The following ZC2HC1A variants were observed in gnomAD, a reference collection of about 807,000 sequenced individuals.
The protein encoded by ZC2HC1A is zinc finger C2HC-type containing 1A.
Under a neutral mutation model 40.7 loss-of-function variants are expected in ZC2HC1A, and 28 were observed. The observed-to-expected ratio is 0.69, with a 90% CI of 0.51 to 0.94. ZC2HC1A has a LOEUF of 0.94. Ranked by LOEUF, ZC2HC1A falls within the 40% of genes least tolerant of loss-of-function variation. The probability of loss-of-function intolerance (pLI) is 0.00; values close to 1 mark genes in which losing one functional copy is unlikely to be tolerated. For synonymous variants in ZC2HC1A, 129 were observed against 129.2 expected (o/e 1.00, Z 0.01); for missense variants, 389 against 386.3 (o/e 1.01, Z -0.06).
In ZC2HC1A at chr8:78,698,505, T is replaced by G. The variant is rs749816909; in HGVS notation, c.696T>G (p.Pro232=). Reference sequence around the variant, plus strand: ...CCTCTCATAAAGGGATAGCAGCCCCTCATGCAGGGTAAGTCTACACTGGAT... The same window carrying G: ...CCTCTCATAAAGGGATAGCAGCCCCGCATGCAGGGTAAGTCTACACTGGAT... ...LSPSHKGIAA[P]HAGANVKPRN... is the part of the protein sequence containing the mutation. The change falls in exon 7 of 9, where the codon CCT becomes CCG. Residue 232 remains proline, a synonymous_variant. Coordinates refer to ENST00000263849, the MANE Select transcript of ZC2HC1A (RefSeq NM_016010.3). 1 of 1,605,620 alleles carries G rather than the reference T, an allele frequency of 6.2e-7. No individual in the cohort carries two copies. The highest frequency in any genetic ancestry group is 2.2e-5 in the East Asian group (1 of 44,736).
intron 1 of ZC2HC1A, among the ~76,000 whole-genome samples, chr8:78,670,401 T>C (rs1318612787): frequency 2.0e-5 from 3 of 152,136 alleles, no homozygotes; most frequent in African/African-American, 4.8e-5. Flanking sequence ...CATCAGGACA[T>C]TGGTGGAGAA....
At chr8:78,669,276 A>G (rs1178073321) in intron 1 of ZC2HC1A, among the ~76,000 whole-genome samples, 1 of 152,090 alleles carries the variant, frequency 6.6e-6, no homozygotes, top group African/African-American at 2.4e-5. Context: ...TGGGCAGTTT[A>G]CTTAATCTGA....
intron 3 of ZC2HC1A, among the ~76,000 whole-genome samples, chr8:78,685,285 A>G (rs974794138): frequency 1.3e-5 from 2 of 152,270 alleles, no homozygotes; most frequent in Admixed American, 1.3e-4. Context: ...ATTTGATTCA[A>G]TTTGTCACTC....
chr8:78,717,138 TATA>T (rs1336232477), intron 8 of ZC2HC1A, among the ~76,000 whole-genome samples, 187 bp from the exon 9 acceptor site: 17 of 152,184 alleles, frequency 1.1e-4, no homozygotes, highest in African/African-American at 3.9e-4. Flanking sequence ...CACAGATAAA[TATA>T]ATGTTAAAAA....
Position 78,716,412 on chromosome 8 carries a change from C to T in ZC2HC1A, c.813-916C>T, listed in dbSNP as rs749503627. Among the ~76,000 whole-genome samples the T allele has an allele frequency of 1.4e-4, 21 of 152,142 alleles. No individual in the cohort carries two copies. The South Asian group carries it at 1.7e-3, about 12-fold the overall frequency. On this transcript the variant is annotated intron_variant, in intron 8 of 8. Coordinates refer to ENST00000263849, the MANE Select transcript of ZC2HC1A (RefSeq NM_016010.3). ...TGCTGGGATTACAGGTGTGAGCCAC[C>T]GCACCCGGCCTAGTATGTTTTGTTA...
chr8:78,678,201 A>G (rs924974941), intron 2 of ZC2HC1A, among the ~76,000 whole-genome samples: 8 of 152,168 alleles, frequency 5.3e-5, no homozygotes, highest in South Asian at 2.1e-4. Flanking sequence ...CTGGGAATGC[A>G]GTCCAGTAGG....
At chr8:78,667,728 C>A (rs1256112886) in intron 1 of ZC2HC1A, among the ~76,000 whole-genome samples, 1 of 152,126 alleles carries the variant, frequency 6.6e-6, no homozygotes, top group Non-Finnish European at 1.5e-5. Flanking sequence ...TAAAGCTTTA[C>A]TCTCATCGAA....
intron 3 of ZC2HC1A, among the ~76,000 whole-genome samples, chr8:78,681,615 TG>T (rs1382270836): frequency 6.6e-6 from 1 of 152,186 alleles, no homozygotes; most frequent in Non-Finnish European, 1.5e-5. Flanking sequence ...TGTGTAATAT[TG>T]ATGCTAGATT....
At chr8:78,712,191 G>C in intron 7 of ZC2HC1A, 1 of 659,532 alleles carries the variant, frequency 1.5e-6, no homozygotes, top group South Asian at 1.9e-5. Context: ...AACTTTTACT[G>C]TCCTATACTT....
Position 78,686,465 on chromosome 8 carries a change from A to G in ZC2HC1A, c.211-2A>G. The stretch of plus-strand genomic sequence containing the variant: ...TTTATTTATTTATTTATTTATTTAT[A>G]GCCAGAACCACCAAAGAAACCATCT... On this transcript the variant is annotated splice_acceptor_variant, in intron 3 of 8. Coordinates refer to ENST00000263849, the MANE Select transcript of ZC2HC1A (RefSeq NM_016010.3). LOFTEE classifies it high-confidence loss of function. The G allele has an allele frequency of 7.5e-7, 1 of 1,340,586 alleles. No individual in the cohort carries two copies. Among genetic ancestry groups the G allele is most frequent in the Non-Finnish European group, 9.8e-7 (1 of 1,016,422 alleles). 83.0% of individuals were successfully genotyped at this position (1,340,586 alleles called of 1,614,324 possible). A position where few individuals can be genotyped will look rare whatever the true frequency, so the allele number is the denominator to read the frequency against.
At chr8:78,667,508 A>G (rs1809332323) in intron 1 of ZC2HC1A, among the ~76,000 whole-genome samples, 2 of 152,152 alleles carry the variant, frequency 1.3e-5, no homozygotes, top group South Asian at 2.1e-4. Context: ...TATTATCTAT[A>G]AAGTGTTTTG....
chr8:78,669,421 T>A (rs1809381623), intron 1 of ZC2HC1A, among the ~76,000 whole-genome samples: 1 of 152,186 alleles, frequency 6.6e-6, no homozygotes, highest in Admixed American at 6.5e-5. Context: ...CCTCTCAGTG[T>A]GTGTTTGTTA....
chr8:78,715,766 G>A (rs763976466), intron 8 of ZC2HC1A, among the ~76,000 whole-genome samples: 10 of 152,176 alleles, frequency 6.6e-5, no homozygotes, highest in East Asian at 3.9e-4. Flanking sequence ...ATGAGGAGTT[G>A]TGGTGGCTCA....
At chr8:78,677,193 GA>G (rs1809608804) in intron 2 of ZC2HC1A, among the ~76,000 whole-genome samples, 2 of 151,876 alleles carry the variant, frequency 1.3e-5, no homozygotes, top group Non-Finnish European at 2.9e-5. Flanking sequence ...AAATACAAAA[GA>G]AAAAAGAGTA....
Position 78,697,358 on chromosome 8 carries a change from C to A in ZC2HC1A, c.505-49C>A, listed in dbSNP as rs201882613. On this transcript the variant is annotated intron_variant, in intron 5 of 8. Coordinates refer to ENST00000263849, the MANE Select transcript of ZC2HC1A (RefSeq NM_016010.3). ...AAGTTTTGAACCACTACTTTACAAT[C>A]CATAATCAAAAAGTGATGTTGATTA... 2.0e-5 allele frequency: 29 copies of A among 1,433,512 alleles called. No individual in the cohort carries two copies. In the East Asian group the frequency reaches 6.5e-4, roughly 32 times the overall value. The allele number at this position is 1,433,512 out of a possible 1,614,324, so 88.8% of individuals were successfully genotyped here. A position where few individuals can be genotyped will look rare whatever the true frequency, so the allele number is the denominator to read the frequency against.
chr8:78,689,121 ATTAC>A (rs1810123109), intron 4 of ZC2HC1A, 97 bp from the exon 5 acceptor site: 1 of 838,812 alleles, frequency 1.2e-6, no homozygotes, highest in Non-Finnish European at 1.6e-6. Context: ...ATCAGATGTT[ATTAC>A]TTATATTTTT....
chr8:78,705,914 C>T (rs1264698245), intron 7 of ZC2HC1A, among the ~76,000 whole-genome samples: 1 of 152,042 alleles, frequency 6.6e-6, no homozygotes, highest in African/African-American at 2.4e-5. Context: ...TCCCAGTTGG[C>T]TTTGGCTCTC....
chr8:78,666,299 G>C, intron 1 of ZC2HC1A, 135 bp downstream of exon 1: 1 of 1,435,290 alleles, frequency 7.0e-7, no homozygotes. Flanking sequence ...CGCCTCCGGA[G>C]GCTGGGGCCG....
chr8:78,702,700 G>A (rs772499890), intron 7 of ZC2HC1A, among the ~76,000 whole-genome samples: 2 of 151,980 alleles, frequency 1.3e-5, no homozygotes, highest in African/African-American at 2.4e-5. Context: ...CGATTTCTGC[G>A]TTAATTTCAT....
Sources: gnomAD v4.1 joint callset for allele counts (sites outside exome capture counted in the v4.1 genomes callset) on GRCh38, gnomAD v4.1.1 for gene constraint, MANE v1.5 for transcripts, NCBI Gene and HGNC (gene_info 2026-07-23, HGNC 2026-07-21) for gene names.